PTPRJ: variants seen among roughly 807,000 people sequenced by gnomAD.
The protein encoded by PTPRJ is receptor-type tyrosine-protein phosphatase eta.
PTPRJ carries 129 observed loss-of-function variants against 141.3 expected under a neutral mutation model. That is an observed-to-expected ratio of 0.91 (90% CI 0.79 to 1.06). The LOEUF is 1.06. Among genes scored for constraint, PTPRJ ranks in the 50% least tolerant of loss-of-function variants. The probability of loss-of-function intolerance (pLI) is 0.00; values close to 1 mark genes in which losing one functional copy is unlikely to be tolerated. For missense variants in PTPRJ, 1,601 were observed against 1,679.7 expected (o/e 0.95, Z 0.82); for synonymous variants, 610 against 640.5 (o/e 0.95, Z 0.72).
At chr11:48,027,208 C>T (rs951936796) in intron 1 of PTPRJ, among the ~76,000 whole-genome samples, 4 of 148,936 alleles carry the variant, frequency 2.7e-5, no homozygotes, top group Non-Finnish European at 6.0e-5. Flanking sequence ...GGGGTTTCAC[C>T]GTGTTAGCCA....
chr11:48,048,752 C>T (rs1854474117), intron 1 of PTPRJ, among the ~76,000 whole-genome samples: 1 of 152,182 alleles, frequency 6.6e-6, no homozygotes, highest in African/African-American at 2.4e-5. Flanking sequence ...CAAGATTGTG[C>T]CACTGCACTC....
At chr11:48,049,605 TC>T (rs1473149863) in intron 1 of PTPRJ, among the ~76,000 whole-genome samples, 2 of 149,002 alleles carry the variant, frequency 1.3e-5, no homozygotes, top group African/African-American at 5.1e-5. Context: ...TTCCATGTAC[TC>T]GGGAGGCTGA....
rs1172178690 is a variant in PTPRJ at position 47,981,084 on chromosome 11, A to AC, written c.96+83dup. ...GCATTGACTGCACCTGCCCGAGCGT[A>AC]CCCCCCCGGGGGGTTCCGGGGAAGG... On this transcript the variant is annotated intron_variant, in intron 1 of 24. Coordinates refer to ENST00000418331, the MANE Select transcript of PTPRJ (RefSeq NM_002843.4). 208 of 1,174,324 alleles carry AC rather than the reference A, an allele frequency of 1.8e-4. 1 individual carries two copies. In the African/African-American group the frequency reaches 2.9e-3, roughly 16 times the overall value. The allele number at this position is 1,174,324 out of a possible 1,614,324, so 72.7% of individuals were successfully genotyped here.
At chr11:48,114,528 A>G (rs1423205773) in intron 3 of PTPRJ, among the ~76,000 whole-genome samples, 6 of 151,848 alleles carry the variant, frequency 4.0e-5, no homozygotes. Flanking sequence ...GGACCATACC[A>G]GATGGTCTTC....
chr11:48,042,424 A>G (rs1363882261), intron 1 of PTPRJ, among the ~76,000 whole-genome samples: 4 of 152,170 alleles, frequency 2.6e-5, no homozygotes, highest in African/African-American at 9.7e-5. Context: ...CAATCAAGGT[A>G]AAGATTTTCT....
rs543161203 is a variant in PTPRJ, at chr11:48,094,339, G to A, written c.97-15719G>A. ...GAGCTTCTTATTATCTTTTTTTAGCGAATGGCAATAAAGTCATTTTGTCAA... is the reference window on the plus strand; with the variant it reads ...GAGCTTCTTATTATCTTTTTTTAGCAAATGGCAATAAAGTCATTTTGTCAA... On this transcript the variant is annotated intron_variant, in intron 1 of 24. Transcript: ENST00000418331. Among the ~76,000 whole-genome samples the A allele has an allele frequency of 1.6e-4, 24 of 152,228 alleles. No homozygotes were observed. The East Asian group carries it at 3.5e-3, about 22-fold the overall frequency.
At chr11:48,150,023 A>T (rs749983445) in intron 17 of PTPRJ, 25 bp downstream of exon 17, 18 of 1,505,954 alleles carry the variant, frequency 1.2e-5, no homozygotes, top group Admixed American at 1.8e-5. Flanking sequence ...TATTTTTTTT[A>T]ATAACTTGTA....
chr11:48,120,780 C>T (rs1359940503), intron 3 of PTPRJ, among the ~76,000 whole-genome samples: 3 of 152,098 alleles, frequency 2.0e-5, no homozygotes, highest in Non-Finnish European at 4.4e-5. Flanking sequence ...CAACTTCTGT[C>T]AGTTTTGCTT....
At chr11:48,062,738 A>G (rs1210310773) in intron 1 of PTPRJ, among the ~76,000 whole-genome samples, 1 of 152,176 alleles carries the variant, frequency 6.6e-6, no homozygotes, top group Non-Finnish European at 1.5e-5. Context: ...TTTGTTTCTG[A>G]AGCACTTTCT....
intron 1 of PTPRJ, among the ~76,000 whole-genome samples, chr11:48,080,044 G>C (rs1207354982): frequency 6.6e-6 from 1 of 152,192 alleles, no homozygotes; most frequent in Non-Finnish European, 1.5e-5. Flanking sequence ...GAGGGCAGAT[G>C]CCCATCAGTC....
In PTPRJ at chr11:48,086,266, C is replaced by T. The variant is rs138020947; in HGVS notation, c.97-23792C>T. Among the ~76,000 whole-genome samples the T allele has an allele frequency of 3.5e-4, 53 of 152,196 alleles. 1 individual carries two copies. In the East Asian group the frequency reaches 6.6e-3, roughly 19 times the overall value. On this transcript the variant is annotated intron_variant, in intron 1 of 24. Transcript: ENST00000418331. ...TCGGCTCATTGCAACCTCTGCCTCC[C>T]GGTTCAGCGATTCTCCTGCCTCAGC... is the stretch of plus-strand genomic sequence containing the variant.
chr11:48,153,957 G>A, intron 19 of PTPRJ, 71 bp downstream of exon 19: 1 of 1,068,438 alleles, frequency 9.4e-7, no homozygotes, highest in Non-Finnish European at 1.4e-6. Flanking sequence ...GTGTAGAGGG[G>A]AGGGAATCAG....
At chr11:48,144,585 C>T (rs1857308817) in intron 12 of PTPRJ, 90 bp from the exon 13 acceptor site, 2 of 1,032,172 alleles carry the variant, frequency 1.9e-6, no homozygotes, top group Admixed American at 2.1e-5. Context: ...TGATCACTAT[C>T]ACCCAACATC....
At chr11:48,132,199 A>G (rs1856995650) in intron 8 of PTPRJ, 3 of 985,302 alleles carry the variant, frequency 3.0e-6, no homozygotes, top group Non-Finnish European at 3.6e-6. Flanking sequence ...CAACACTGTG[A>G]TGAGATACTT....
In PTPRJ at chr11:48,072,120, G is replaced by C. The variant is rs1041030084; in HGVS notation, c.97-37938G>C. On this transcript the variant is annotated intron_variant, in intron 1 of 24. Coordinates refer to ENST00000418331, the MANE Select transcript of PTPRJ (RefSeq NM_002843.4). ...GGGTTTCACCATGTTGGCCAGGCTG[G>C]TCTTGAGCTCCTGACCTCAGGTGAT... Among the ~76,000 whole-genome samples, 3 of 152,070 alleles carry C rather than the reference G, an allele frequency of 2.0e-5. No homozygotes were observed. In the South Asian group the frequency reaches 6.2e-4, roughly 32 times the overall value.
chr11:48,002,358 G>A (rs1362191603), intron 1 of PTPRJ, among the ~76,000 whole-genome samples: 1 of 151,850 alleles, frequency 6.6e-6, no homozygotes, highest in Non-Finnish European at 1.5e-5. Context: ...GGATGGTCTG[G>A]AACTCCTGAC....
chr11:48,075,690 C>T (rs1401774984), intron 1 of PTPRJ, among the ~76,000 whole-genome samples: 1 of 152,182 alleles, frequency 6.6e-6, no homozygotes, highest in Non-Finnish European at 1.5e-5. Context: ...ATCTTGGCCT[C>T]CCAGAGTGCT....
intron 1 of PTPRJ, among the ~76,000 whole-genome samples, chr11:48,071,446 A>G (rs1458208741): frequency 1.3e-5 from 2 of 150,650 alleles, no homozygotes; most frequent in African/African-American, 4.9e-5. Flanking sequence ...CCTCCCGAGT[A>G]GCTGGGACTA....
chr11:48,002,254 C>T (rs1309858725), intron 1 of PTPRJ, among the ~76,000 whole-genome samples: 3 of 151,564 alleles, frequency 2.0e-5, no homozygotes, highest in Non-Finnish European at 4.4e-5. Flanking sequence ...TCTTGTGCCT[C>T]AGCCTCCCGA....
Sources: allele counts gnomAD v4.1 joint callset (sites outside exome capture counted in the v4.1 genomes callset), GRCh38; gene constraint gnomAD v4.1.1; transcripts MANE v1.5; gene names NCBI Gene and HGNC (gene_info 2026-07-23, HGNC 2026-07-21).